LDHD: variants seen among roughly 807,000 people sequenced by gnomAD.
LDHD encodes the protein D-lactate dehydrogenase, mitochondrial.
Under a neutral mutation model 52.9 loss-of-function variants are expected in LDHD, and 58 were observed. The ratio of observed to expected loss-of-function variants is 1.10; its 90% CI spans 0.89 to 1.36. The LOEUF is 1.36. LDHD is among the 40% of genes most tolerant of loss of function. The pLI, the probability that LDHD is intolerant of heterozygous loss-of-function variation, is 0.00. For synonymous variants in LDHD, 350 were observed against 288.6 expected, an observed-to-expected ratio of 1.21 and a Z score of -2.16; for missense variants, 747 against 668.0, an observed-to-expected ratio of 1.12 and a Z score of -1.30.
chr16:75,113,496 C>A (rs188788587), intron 8 of LDHD, 39 bp downstream of exon 8: 1 of 1,569,480 alleles, frequency 6.4e-7, no homozygotes, highest in South Asian at 1.2e-5. Context: ...GTTTGTGGGC[C>A]GAGCTGTGGG....
Position 75,114,567 on chromosome 16 carries a change from G to C in LDHD, c.588C>G (p.Asp196Glu), listed in dbSNP as rs373185723. Residue 196 changes from aspartate to glutamate, a missense_variant, in exon 5 of 11, where the codon GAC becomes GAG. Asp to Glu is a conservative substitution (Grantham distance 45, BLOSUM62 2). Coordinates refer to ENST00000450168, the MANE Select transcript of LDHD (RefSeq NM_194436.3). The part of the protein sequence containing the change: ...NVLNLEVVLP[D>E]GRLLHTAGRG... ...GGCCCGCCGTGTGCAGCAGCCGCCC[G>C]TCGGGCAGCACCACCTCCAGGTTGA... The C allele has an allele frequency of 1.3e-6, 2 of 1,531,400 alleles. No individual in the cohort carries two copies. The highest frequency in any genetic ancestry group is 2.1e-4 in the Middle Eastern group (1 of 4,868). The allele number at this position is 1,531,400 out of a possible 1,614,324, so 94.9% of individuals were successfully genotyped here.
intron 10 of LDHD, 23 bp downstream of exon 10, chr16:75,112,579 C>A (rs1200340119): frequency 6.2e-7 from 1 of 1,613,848 alleles, no homozygotes; most frequent in South Asian, 1.1e-5. Context: ...CTCAGCTCTT[C>A]CCCTCCCTGG....
At chr16:75,115,714 G>T in intron 1 of LDHD, 54 bp from the exon 2 acceptor site, 1 of 1,161,776 alleles carries the variant, frequency 8.6e-7, no homozygotes. Context: ...TGGGGCCACA[G>T]CCCTGCCCCA....
In LDHD at chr16:75,115,591, C is replaced by A; in HGVS notation, c.142G>T (p.Ala48Ser). 1 of 1,612,938 alleles carries A rather than the reference C, an allele frequency of 6.2e-7. No homozygotes were observed. Among genetic ancestry groups the A allele is most frequent in the East Asian group, 2.2e-5 (1 of 44,868 alleles). ...VVGGSHVSTAAVVREQHGRDE... is the reference protein window; with the variant it reads ...VVGGSHVSTASVVREQHGRDE... Reference sequence around the variant, plus strand: ...CGCCCGTGCTGCTCTCGGACCACCGCGGCAGTGGACACGTGGGAGCCGCCC... The same window carrying A: ...CGCCCGTGCTGCTCTCGGACCACCGAGGCAGTGGACACGTGGGAGCCGCCC... The change falls in exon 2 of 11, where the codon GCG becomes TCG. Residue 48 changes from alanine to serine, a missense_variant. Transcript: ENST00000450168.
At position 75,112,923 on chromosome 16, in the gene LDHD, C is replaced by G. The variant is rs780966422; in HGVS notation, c.1088G>C (p.Gly363Ala). The G allele has an allele frequency of 1.9e-6, 3 of 1,610,190 alleles. No homozygotes were observed. The part of the protein sequence containing the change: ...AALATRPGCK[G>A]YSTDVCVPIS... ...GGGCACACACACATCCGTGGAGTAG[C>G]CCTGGTCAGAGGGAAGCCTATGAGT... The change falls in exon 9 of 11, where the codon GGC becomes GCC. Residue 363 changes from glycine (G) to alanine (A), a missense_variant and splice_region_variant. Coordinates refer to ENST00000450168, the MANE Select transcript of LDHD (RefSeq NM_194436.3).
chr16:75,115,100 G>A (rs1229036745), intron 3 of LDHD, 98 bp downstream of exon 3: 16 of 1,547,260 alleles, frequency 1.0e-5, no homozygotes, highest in Non-Finnish European at 1.1e-5. Flanking sequence ...ACGGGCGGGA[G>A]CAGACCCAAG....
In LDHD at chr16:75,114,328, C is replaced by A. The variant is rs955853665; in HGVS notation, c.630-163G>T. 6.1e-6 allele frequency: 9 copies of A among 1,482,950 alleles called. No individual in the cohort carries two copies. In the Admixed American group the frequency reaches 1.1e-4, roughly 17 times the overall value. The allele number at this position is 1,482,950 out of a possible 1,614,324, so 91.9% of individuals were successfully genotyped here. On this transcript the variant is annotated intron_variant, in intron 5 of 10. Transcript: ENST00000450168. ...GCCCAGTGCTTTCTGCTCCACAAAGCCAGTCGGCCTCAGGCAGGGAGAGCA... is the reference window on the plus strand; with the variant it reads ...GCCCAGTGCTTTCTGCTCCACAAAGACAGTCGGCCTCAGGCAGGGAGAGCA...
At chr16:75,116,618 C>T (rs1449234814) in intron 1 of LDHD, 31 bp downstream of exon 1, 12 of 1,577,470 alleles carry the variant, frequency 7.6e-6, no homozygotes, top group Non-Finnish European at 1.0e-5. Context: ...CCACCTCATC[C>T]CTCCAGAGGA....
Position 75,112,917 on chromosome 16 carries a change from G to T in LDHD, c.1094C>A (p.Ser365Tyr). ...LATRPGCKGY[S>Y]TDVCVPISRL... ...GGAGATGGGCACACACACATCCGTG[G>T]AGTAGCCCTGGTCAGAGGGAAGCCT... is the stretch of plus-strand genomic sequence containing the variant. Residue 365 changes from serine to tyrosine, a missense_variant, in exon 9 of 11, where the codon TCC becomes TAC. By Grantham distance (144) the Ser-to-Tyr change is moderately radical (BLOSUM62 -2). Coordinates refer to ENST00000450168, the MANE Select transcript of LDHD (RefSeq NM_194436.3). The T allele has an allele frequency of 1.2e-6, 2 of 1,610,928 alleles. No individual in the cohort carries two copies. The highest frequency in any genetic ancestry group is 2.2e-5 in the East Asian group (1 of 44,858).
chr16:75,114,291 CCA>C, intron 5 of LDHD, 126 bp from the exon 6 acceptor site: 2 of 1,532,620 alleles, frequency 1.3e-6, no homozygotes, highest in Non-Finnish European at 1.7e-6. Flanking sequence ...TCCCTCGGGC[CCA>C]GTTTCCCTGG....
intron 3 of LDHD, 71 bp downstream of exon 3, chr16:75,115,127 G>A (rs2036517804): frequency 1.3e-6 from 2 of 1,550,610 alleles, no homozygotes; most frequent in Middle Eastern, 2.1e-4. Flanking sequence ...TGTGTGGCGG[G>A]GGAGGCAGCC....
chr16:75,115,366 C>G, intron 2 of LDHD, 27 bp from the exon 3 acceptor site: 1 of 1,611,970 alleles, frequency 6.2e-7, no homozygotes, highest in Non-Finnish European at 8.5e-7. Context: ...AGCGATTTAG[C>G]GGGGCGTGAC....
intron 8 of LDHD, 149 bp from the exon 9 acceptor site, chr16:75,113,073 C>G (rs1476919675): frequency 3.1e-6 from 2 of 654,144 alleles, no homozygotes; most frequent in Non-Finnish European, 5.5e-6. Context: ...GGCCTCAGCC[C>G]TCACCTCCCC....
rs774228321 is a variant in LDHD, at chr16:75,112,752, C to T, written c.1178-39G>A. ...GGACAGAACTATTCTCCAGCCCAGT[C>T]CTCCTCTTGCCTCCTGCTGCCCCAG... On this transcript the variant is annotated intron_variant, in intron 9 of 10. Transcript: ENST00000450168. 5 of 1,597,618 alleles carry T rather than the reference C, an allele frequency of 3.1e-6. No homozygotes were observed. In the South Asian group the frequency reaches 3.3e-5, roughly 11 times the overall value.
chr16:75,112,146 A>G lies in LDHD; in HGVS notation c.*210T>C. 3.4e-6 allele frequency: 2 copies of G among 591,562 alleles called. No individual in the cohort carries two copies. Among genetic ancestry groups the G allele is most frequent in the Non-Finnish European group, 5.8e-6 (2 of 345,242 alleles). 36.6% of individuals were successfully genotyped at this position (591,562 alleles called of 1,614,324 possible). On this transcript the variant is annotated 3_prime_UTR_variant, in exon 11 of 11. Transcript: ENST00000450168. ...CCACCCTGGGTCGTTTACTGAACCA[A>G]AGGCTCCTGGGGCCAGCCAGAGGGC...
Position 75,116,776 on chromosome 16 carries a change from A to G in LDHD, c.-56T>C. On this transcript the variant is annotated 5_prime_UTR_variant, in exon 1 of 11. Transcript: ENST00000450168. ...TGGGTGGCAGGGTGACCAGTCAGCTACTGTGGCAGCAGCTACTGCTGCTGT... is the reference window on the plus strand; with the variant it reads ...TGGGTGGCAGGGTGACCAGTCAGCTGCTGTGGCAGCAGCTACTGCTGCTGT... 8.2e-7 allele frequency: 1 copy of G among 1,223,496 alleles called. No homozygotes were observed. The highest frequency in any genetic ancestry group is 1.1e-6 in the Non-Finnish European group (1 of 878,562). 75.8% of individuals were successfully genotyped at this position (1,223,496 alleles called of 1,614,324 possible). A position where few individuals can be genotyped will look rare whatever the true frequency, so the allele number is the denominator to read the frequency against.
rs748578859 is a variant in LDHD, at chr16:75,114,811, G to C, written c.469+16C>G. On this transcript the variant is annotated intron_variant, in intron 4 of 10. Coordinates refer to ENST00000450168, the MANE Select transcript of LDHD (RefSeq NM_194436.3). ...ACGGTGCCCTCAGGGTCCCAGGAAAGGTTCGCGAGTCCTACCCACGGGAAA... is the reference window on the plus strand; with the variant it reads ...ACGGTGCCCTCAGGGTCCCAGGAAACGTTCGCGAGTCCTACCCACGGGAAA... 5.0e-6 allele frequency: 8 copies of C among 1,608,418 alleles called. No individual in the cohort carries two copies. The highest frequency in any genetic ancestry group is 1.3e-5 in the African/African-American group (1 of 74,946).
chr16:75,113,009 G>A, intron 8 of LDHD, 85 bp from the exon 9 acceptor site: 1 of 951,960 alleles, frequency 1.1e-6, no homozygotes, highest in Non-Finnish European at 1.6e-6. Context: ...GGGTCGGAGG[G>A]CACTGGGCTT....
chr16:75,114,372 T>G, intron 5 of LDHD, 154 bp downstream of exon 5: 1 of 1,385,286 alleles, frequency 7.2e-7, no homozygotes, highest in Non-Finnish European at 9.7e-7. Context: ...TCCCATCCAC[T>G]TTGGCCCAGC....
Sources: gnomAD v4.1 joint callset for allele counts on GRCh38, gnomAD v4.1.1 for gene constraint, MANE v1.5 for transcripts, NCBI Gene and HGNC (gene_info 2026-07-23, HGNC 2026-07-21) for gene names.